Variants in SOCS2 observed in about 807,000 individuals in gnomAD.
SOCS2 encodes the protein CIS-2.
In SOCS2, 10 loss-of-function variants were observed where a neutral mutation model predicts 18.6. That is an observed-to-expected ratio of 0.54 (90% CI 0.33 to 0.91). The LOEUF (loss-of-function observed/expected upper bound fraction) is 0.91, where lower values mean the gene tolerates loss of function less well. SOCS2 is among the 40% of genes least tolerant of loss of function. SOCS2 has a pLI of 0.02. For missense variants in SOCS2, 231 were observed against 247.2 expected (o/e 0.93, Z 0.44); for synonymous variants, 104 against 104.0 (o/e 1.00, Z 0.00).
At chr12:93,579,949 T>C (rs761030943), downstream of SOCS2, among the ~76,000 whole-genome samples, 42 of 152,216 alleles carry the variant, frequency 2.8e-4, 1 homozygote, top group Middle Eastern at 3.2e-3. Flanking sequence ...CCTTAACTTA[T>C]AGGCATTCTG....
chr12:93,612,140 T>A, the SOCS2 span, among the ~76,000 whole-genome samples: 1 of 152,138 alleles, frequency 6.6e-6, no homozygotes, highest in East Asian at 1.9e-4. Context: ...AATAAAAGGA[T>A]GTATCTAAAC....
At chr12:93,584,009 A>C (rs984419195), downstream of SOCS2, among the ~76,000 whole-genome samples, 8 of 152,210 alleles carry the variant, frequency 5.3e-5, no homozygotes, top group African/African-American at 1.9e-4. Flanking sequence ...CATTCCATAA[A>C]ATAGAGTAAG....
the SOCS2 span, among the ~76,000 whole-genome samples, chr12:93,617,073 A>C: frequency 6.6e-6 from 1 of 152,212 alleles, no homozygotes; most frequent in African/African-American, 2.4e-5. Flanking sequence ...GTGTCCATTG[A>C]TGGGGATCAG....
chr12:93,570,769 G>A (rs1261748239), upstream of SOCS2: 1 of 152,602 alleles, frequency 6.6e-6, no homozygotes, highest in African/African-American at 2.4e-5. Flanking sequence ...GCCAGAGGCA[G>A]GCCGACCCCG....
At chr12:93,611,260 C>T in the SOCS2 span, among the ~76,000 whole-genome samples, 133 of 152,158 alleles carry the variant, frequency 8.7e-4, no homozygotes, top group African/African-American at 3.0e-3. Context: ...AGACAGGAGA[C>T]GGAGTCTCAC....
chr12:93,625,593 C>G, the SOCS2 span, among the ~76,000 whole-genome samples: 14 of 151,806 alleles, frequency 9.2e-5, no homozygotes, highest in Non-Finnish European at 5.9e-5. Context: ...ACTAAAAACA[C>G]AAAAATTAGC....
At chr12:93,582,151 T>C (rs544543342) in intron 1 of SOCS2, among the ~76,000 whole-genome samples, 1 of 152,154 alleles carries the variant, frequency 6.6e-6, no homozygotes, top group Non-Finnish European at 1.5e-5. Context: ...GAGGAAGGTA[T>C]CTTGTGTCTG....
At chr12:93,624,888 A>G in the SOCS2 span, among the ~76,000 whole-genome samples, 1 of 152,210 alleles carries the variant, frequency 6.6e-6, no homozygotes, top group African/African-American at 2.4e-5. Context: ...CTTTGTGGAA[A>G]CAATCTTCTT....
chr12:93,614,134 C>T, the SOCS2 span, among the ~76,000 whole-genome samples: 3 of 151,978 alleles, frequency 2.0e-5, no homozygotes, highest in Non-Finnish European at 4.4e-5. Context: ...TTGGAAGCCA[C>T]TCGCTCTCTC....
At chr12:93,624,770 G>A in the SOCS2 span, among the ~76,000 whole-genome samples, 9 of 152,124 alleles carry the variant, frequency 5.9e-5, no homozygotes, top group Non-Finnish European at 1.3e-4. Context: ...ATTAAGTTGG[G>A]GGCAGGGTAA....
chr12:93,622,068 A>T, the SOCS2 span, among the ~76,000 whole-genome samples: 2 of 152,200 alleles, frequency 1.3e-5, no homozygotes, highest in Admixed American at 1.3e-4. Context: ...GCCTGCAGAT[A>T]TGTTTTGTTT....
chr12:93,595,484 G>T, the SOCS2 span, among the ~76,000 whole-genome samples: 1 of 152,152 alleles, frequency 6.6e-6, no homozygotes, highest in Non-Finnish European at 1.5e-5. Flanking sequence ...AATAAATTGA[G>T]TCTCACATTT....
chr12:93,580,881 G>A (rs1160604150), downstream of SOCS2, among the ~76,000 whole-genome samples: 1 of 152,154 alleles, frequency 6.6e-6, no homozygotes, highest in Non-Finnish European at 1.5e-5. Context: ...GTAGGAATAA[G>A]AGGCAGAGAG....
At chr12:93,580,635 A>AG (rs1954525856), downstream of SOCS2, among the ~76,000 whole-genome samples, 1 of 151,612 alleles carries the variant, frequency 6.6e-6, no homozygotes, top group African/African-American at 2.4e-5. Context: ...AAAAAAAAAA[A>AG]AAAAAGAAAA....
chr12:93,577,042 A>G (rs1468577644), downstream of SOCS2, among the ~76,000 whole-genome samples: 1 of 152,198 alleles, frequency 6.6e-6, no homozygotes, highest in South Asian at 2.1e-4. Context: ...CTTCTATATG[A>G]TCAGTGCCAA....
chr12:93,573,427 AT>A (rs2136692629), intron 1 of SOCS2: 1 of 402,722 alleles, frequency 2.5e-6, no homozygotes, highest in Admixed American at 4.3e-5. Context: ...GCCCAGCAGC[AT>A]CTGGCTCCCG....
At position 93,576,502 on chromosome 12, in the gene SOCS2, T is replaced by C. The variant is rs1170278647; in HGVS notation, c.*1323T>C. The stretch of plus-strand genomic sequence containing the variant: ...ACAAACATTATGACATGGCCAGTCT[T>C]TTACAAGTTGAGTAGGCATAATACT... On this transcript the variant is annotated 3_prime_UTR_variant, in exon 2 of 2. Coordinates refer to ENST00000551556, the MANE Select transcript of SOCS2 (RefSeq NM_001270471.2). 1 of 152,236 alleles carries C rather than the reference T, an allele frequency of 6.6e-6. No homozygotes were observed. The highest frequency in any genetic ancestry group is 1.5e-5 in the Non-Finnish European group (1 of 68,050). The allele number at this position is 152,236 out of a possible 1,614,324, so 9.4% of individuals were successfully genotyped here.
chr12:93,593,704 G>C, the SOCS2 span, among the ~76,000 whole-genome samples: 590 of 152,142 alleles, frequency 3.9e-3, 7 homozygotes, highest in African/African-American at 0.013. Context: ...AATAACCCTA[G>C]TAAGACCAAG....
the SOCS2 span, among the ~76,000 whole-genome samples, chr12:93,614,425 CT>C: frequency 4.4e-4 from 40 of 91,626 alleles, no homozygotes; most frequent in East Asian, 5.8e-4. Flanking sequence ...TTCTTCCTTT[CT>C]TTCCCTTCCT....
Sources: allele counts gnomAD v4.1 joint callset (sites outside exome capture counted in the v4.1 genomes callset), GRCh38; gene constraint gnomAD v4.1.1; transcripts MANE v1.5; gene names NCBI Gene and HGNC (gene_info 2026-07-23, HGNC 2026-07-21).